Variants in KCNJ3 observed in about 807,000 individuals in gnomAD.
KCNJ3 encodes G protein-activated inward rectifier potassium channel 1.
KCNJ3 carries 4 observed loss-of-function variants against 39.2 expected under a neutral mutation model. That is an observed-to-expected ratio of 0.10 (90% CI 0.05 to 0.23). The LOEUF (loss-of-function observed/expected upper bound fraction) is 0.23. Among genes scored for constraint, KCNJ3 ranks in the 10% least tolerant of loss-of-function variants. KCNJ3 has a pLI of 1.00. For synonymous variants in KCNJ3, 230 were observed against 237.4 expected, an observed-to-expected ratio of 0.97 and a Z score of 0.29; for missense variants, 276 against 634.9, an observed-to-expected ratio of 0.43 and a Z score of 6.08.
At chr2:154,785,192 A>T (rs186308664) in intron 2 of KCNJ3, among the ~76,000 whole-genome samples, 1 of 152,056 alleles carries the variant, frequency 6.6e-6, no homozygotes, top group Non-Finnish European at 1.5e-5. Context: ...TGGTAAAGTC[A>T]TTGTGTTAGT....
At chr2:154,842,205 C>A (rs2937612) in intron 2 of KCNJ3, among the ~76,000 whole-genome samples, 28,802 of 151,990 alleles carry the variant, frequency 0.19, 3,177 homozygotes, top group East Asian at 0.4. Context: ...TTTATCCAGT[C>A]GTCATTCAGG....
intron 2 of KCNJ3, among the ~76,000 whole-genome samples, chr2:154,741,900 A>G (rs1685659921): frequency 6.6e-6 from 1 of 151,950 alleles, no homozygotes; most frequent in Non-Finnish European, 1.5e-5. Flanking sequence ...TAAAATTTAC[A>G]TCTTAACTAT....
intron 2 of KCNJ3, among the ~76,000 whole-genome samples, chr2:154,722,462 G>C (rs1405025580): frequency 1.3e-5 from 2 of 152,112 alleles, no homozygotes; most frequent in Non-Finnish European, 2.9e-5. Context: ...AGAAAGTTGG[G>C]GGACCTCAAG....
chr2:154,699,605 G>T lies in KCNJ3; in HGVS notation c.702+128G>T, dbSNP rs187704412. The T allele has an allele frequency of 1.0e-3, 1,447 of 1,389,580 alleles. 14 individuals carry two copies. In the African/African-American group the frequency reaches 0.018, roughly 18 times the overall value. The allele number at this position is 1,389,580 out of a possible 1,614,324, so 86.1% of individuals were successfully genotyped here. On this transcript the variant is annotated intron_variant, in intron 1 of 2. Coordinates refer to ENST00000295101, the MANE Select transcript of KCNJ3 (RefSeq NM_002239.4). The surrounding 1 kb of genome is among the most constrained non-coding windows in gnomAD (Gnocchi z 6.4). ...TATAGCCACAGGTAAACTTCCTTTT[G>T]GGGGGTTGGGGGTTGGAGGACTGGG...
At chr2:154,840,977 A>C (rs1687565414) in intron 2 of KCNJ3, among the ~76,000 whole-genome samples, 1 of 152,184 alleles carries the variant, frequency 6.6e-6, no homozygotes, top group South Asian at 2.1e-4. Context: ...TATGTTGAAC[A>C]GGAGTGGTGA....
At chr2:154,791,944 C>A (rs1273500517) in intron 2 of KCNJ3, among the ~76,000 whole-genome samples, 3 of 152,092 alleles carry the variant, frequency 2.0e-5, no homozygotes, top group African/African-American at 7.2e-5. Flanking sequence ...ATGAGGGCTT[C>A]TGTCCTCATG....
At chr2:154,786,532 G>T (rs923631526) in intron 2 of KCNJ3, among the ~76,000 whole-genome samples, 1 of 152,038 alleles carries the variant, frequency 6.6e-6, no homozygotes, top group East Asian at 1.9e-4. Flanking sequence ...AATGTCACTC[G>T]CCATGTTGTT....
At chr2:154,738,836 T>C (rs1410495928) in intron 2 of KCNJ3, among the ~76,000 whole-genome samples, 1 of 151,482 alleles carries the variant, frequency 6.6e-6, no homozygotes, top group Admixed American at 6.6e-5. Flanking sequence ...ACATACAAAA[T>C]TGAAATAATC....
Position 154,699,505 on chromosome 2 carries a change from G to C in KCNJ3, c.702+28G>C, listed in dbSNP as rs1029986469. On this transcript the variant is annotated intron_variant, in intron 1 of 2. Transcript: ENST00000295101. This position sits in a 1 kb window ranked among gnomAD's most constrained non-coding sequence, Gnocchi z 6.4. ...AAGTGCTCCCCGCCCCTTCCCCACC[G>C]GGAGACCTGCGTCCCCCAAACCCGC... is the stretch of plus-strand genomic sequence containing the variant. The C allele has an allele frequency of 6.5e-7, 1 of 1,535,212 alleles. No individual in the cohort carries two copies. Among genetic ancestry groups the C allele is most frequent in the Non-Finnish European group, 8.7e-7 (1 of 1,144,976 alleles).
At chr2:154,808,413 T>TG (rs1187021353) in intron 2 of KCNJ3, among the ~76,000 whole-genome samples, 1 of 151,960 alleles carries the variant, frequency 6.6e-6, no homozygotes, top group Non-Finnish European at 1.5e-5. Context: ...TGTGTTGAGG[T>TG]GGATTACACT....
At chr2:154,831,217 A>G (rs1687357392) in intron 2 of KCNJ3, among the ~76,000 whole-genome samples, 1 of 152,152 alleles carries the variant, frequency 6.6e-6, no homozygotes, top group Non-Finnish European at 1.5e-5. Context: ...CCCTTACTGA[A>G]TGGATTAGCA....
At chr2:154,806,349 C>T (rs1558879015) in intron 2 of KCNJ3, among the ~76,000 whole-genome samples, 1 of 152,124 alleles carries the variant, frequency 6.6e-6, no homozygotes, top group Admixed American at 6.6e-5. Context: ...AGATGTTACA[C>T]AAGCAGTGGG....
rs112708033 is a variant in KCNJ3, at chr2:154,804,664, T to C, written c.920-50063T>C. ...TTATATAGCATCCAACCCTGTAAAG[T>C]AGGTATTATCTACATTGTATTGACA... On this transcript the variant is annotated intron_variant, in intron 2 of 2. Transcript: ENST00000295101. 7.5e-3 allele frequency among the ~76,000 whole-genome samples: 1,146 copies of C among 152,154 alleles called. 19 individuals are homozygous for C. Among genetic ancestry groups the C allele is most frequent in the African/African-American group, 0.026 (1,087 of 41,516 alleles).
Position 154,709,598 on chromosome 2 carries a change from T to C in KCNJ3, c.703-5T>C. 1 of 1,612,482 alleles carries C rather than the reference T, an allele frequency of 6.2e-7. No homozygotes were observed. Among genetic ancestry groups the C allele is most frequent in the Non-Finnish European group, 8.5e-7 (1 of 1,178,988 alleles). On this transcript the variant is annotated splice_polypyrimidine_tract_variant and splice_region_variant and intron_variant, in intron 1 of 2. Transcript: ENST00000295101. ...TTTCTTCTCTTTTTCTGTGTGCTTG[T>C]CTAGTCTCGGCAGACACCTGAGGGT... is the stretch of plus-strand genomic sequence containing the variant.
chr2:154,720,826 G>C (rs1202020345), intron 2 of KCNJ3, among the ~76,000 whole-genome samples: 1 of 152,050 alleles, frequency 6.6e-6, no homozygotes, highest in African/African-American at 2.4e-5. Context: ...CTTCACTAAG[G>C]GTTTACTTTC....
At chr2:154,804,031 A>G (rs1435207723) in intron 2 of KCNJ3, among the ~76,000 whole-genome samples, 1 of 152,132 alleles carries the variant, frequency 6.6e-6, no homozygotes, top group Non-Finnish European at 1.5e-5. Flanking sequence ...TATATTTCTA[A>G]AAATGATTTC....
intron 1 of KCNJ3, among the ~76,000 whole-genome samples, chr2:154,702,023 A>G (rs572665963): frequency 6.6e-6 from 1 of 152,018 alleles, no homozygotes; most frequent in Non-Finnish European, 1.5e-5. Flanking sequence ...TTTGCCTTTA[A>G]TAAGTTGCTC....
rs866835724 is a variant in KCNJ3, at chr2:154,781,688, G to T, written c.919+71869G>T. 3.3e-5 allele frequency among the ~76,000 whole-genome samples: 5 copies of T among 152,164 alleles called. No homozygotes were observed. In the Middle Eastern group the frequency reaches 0.014, roughly 414 times the overall value. On this transcript the variant is annotated intron_variant, in intron 2 of 2. Coordinates refer to ENST00000295101, the MANE Select transcript of KCNJ3 (RefSeq NM_002239.4). The stretch of plus-strand genomic sequence containing the variant: ...TCACTGATATTGTAGGTTAAAAATA[G>T]ATCTTAAATTGAAAAAAAAGTCAAT...
At position 154,724,885 on chromosome 2, in the gene KCNJ3, ATATG is replaced by A. The variant is rs545250997; in HGVS notation, c.919+15074_919+15077del. On this transcript the variant is annotated intron_variant, in intron 2 of 2. Coordinates refer to ENST00000295101, the MANE Select transcript of KCNJ3 (RefSeq NM_002239.4). ...TAAGAAAAATGTTATGTTTTATTAT[ATATG>A]TATGTATATATACAAGATACATATG... Among the ~76,000 whole-genome samples, 1,390 of 143,500 alleles carry A rather than the reference ATATG, an allele frequency of 9.7e-3. 32 individuals are homozygous for A. Among genetic ancestry groups the A allele is most frequent in the African/African-American group, 0.034 (1,318 of 38,394 alleles). The allele number at this position is 143,500 out of a possible 152,430, so 94.1% of individuals were successfully genotyped here.
Sources: allele counts gnomAD v4.1 joint callset (sites outside exome capture counted in the v4.1 genomes callset), GRCh38; gene constraint gnomAD v4.1.1; non-coding constraint Gnocchi (gnomAD v3.1); transcripts MANE v1.5; gene names NCBI Gene and HGNC (gene_info 2026-07-23, HGNC 2026-07-21).